SIL1: variants seen among roughly 807,000 people sequenced by gnomAD.
SIL1 encodes nucleotide exchange factor SIL1.
SIL1 carries 40 observed loss-of-function variants against 49.1 expected under a neutral mutation model. The observed-to-expected ratio is 0.81, with a 90% CI of 0.63 to 1.06. The LOEUF (loss-of-function observed/expected upper bound fraction) is 1.06, where lower values mean the gene tolerates loss of function less well. Ranked by LOEUF, SIL1 falls within the 50% of genes least tolerant of loss-of-function variation. The pLI is 0.00. For missense variants in SIL1, 500 were observed against 572.6 expected, an observed-to-expected ratio of 0.87 and a Z score of 1.29; for synonymous variants, 253 against 250.8, an observed-to-expected ratio of 1.01 and a Z score of -0.08.
intron 5 of SIL1, among the ~76,000 whole-genome samples, chr5:139,041,193 C>T (rs139796403): frequency 2.1e-3 from 316 of 152,296 alleles, no homozygotes; most frequent in African/African-American, 7.3e-3. Flanking sequence ...GACACAATTG[C>T]GAGCATTGCC....
At chr5:139,030,634 GA>G (rs930138527) in intron 5 of SIL1, among the ~76,000 whole-genome samples, 168 of 142,750 alleles carry the variant, frequency 1.2e-3, no homozygotes, top group Non-Finnish European at 2.3e-3. Flanking sequence ...AAGCAAGAAA[GA>G]AAAAAAAAAG....
At chr5:139,114,083 A>G (rs1291329084) in intron 3 of SIL1, among the ~76,000 whole-genome samples, 1 of 152,224 alleles carries the variant, frequency 6.6e-6, no homozygotes, top group Non-Finnish European at 1.5e-5. Context: ...ACCCAAATGC[A>G]CAGATTGCAA....
At chr5:139,113,165 G>A (rs1256327149) in intron 3 of SIL1, among the ~76,000 whole-genome samples, 1 of 151,952 alleles carries the variant, frequency 6.6e-6, no homozygotes, top group Non-Finnish European at 1.5e-5. Flanking sequence ...ACTGCGGAAG[G>A]CCGCAGGGTC....
intron 3 of SIL1, among the ~76,000 whole-genome samples, chr5:139,074,158 G>A (rs972641917): frequency 1.3e-5 from 2 of 152,254 alleles, no homozygotes; most frequent in African/African-American, 4.8e-5. Context: ...TTGGACTCAA[G>A]AGATCCTCGC....
At chr5:138,986,018 C>T (rs945711776) in intron 7 of SIL1, among the ~76,000 whole-genome samples, 11 of 152,182 alleles carry the variant, frequency 7.2e-5, no homozygotes, top group African/African-American at 2.7e-4. Context: ...CCACCTACAG[C>T]GCCAGGCCCT....
chr5:139,102,696 G>A (rs1057106953), intron 3 of SIL1, among the ~76,000 whole-genome samples: 22 of 148,362 alleles, frequency 1.5e-4, no homozygotes, highest in South Asian at 2.2e-4. Flanking sequence ...TAAGATCAAG[G>A]GCTGCTTTTT....
chr5:139,150,127 A>G (rs1751268404), intron 1 of SIL1, among the ~76,000 whole-genome samples: 1 of 152,238 alleles, frequency 6.6e-6, no homozygotes, highest in Non-Finnish European at 1.5e-5. Flanking sequence ...GCCAGTAAAC[A>G]GAATTTGATT....
intron 5 of SIL1, among the ~76,000 whole-genome samples, chr5:139,030,435 C>T (rs1768760572): frequency 6.6e-6 from 1 of 151,704 alleles, no homozygotes; most frequent in South Asian, 2.1e-4. Context: ...CAAGATCATA[C>T]CACTGTACTC....
chr5:139,036,613 A>AC (rs1405159573), intron 5 of SIL1, among the ~76,000 whole-genome samples: 3 of 152,272 alleles, frequency 2.0e-5, no homozygotes, highest in African/African-American at 4.8e-5. Context: ...ACCAAATACC[A>AC]CATGTTCTCT....
At chr5:139,166,463 A>G (rs552389583) in intron 1 of SIL1, among the ~76,000 whole-genome samples, 1 of 152,318 alleles carries the variant, frequency 6.6e-6, no homozygotes, top group Admixed American at 6.5e-5. Context: ...CAAGTTCAAG[A>G]TCAGCCTGAG....
At chr5:138,992,726 G>A (rs913759640) in intron 7 of SIL1, among the ~76,000 whole-genome samples, 1 of 151,348 alleles carries the variant, frequency 6.6e-6, no homozygotes, top group Non-Finnish European at 1.5e-5. Context: ...GGAAGGGTGG[G>A]AGGGGGTGAG....
intron 3 of SIL1, among the ~76,000 whole-genome samples, chr5:139,085,335 C>G (rs894011811): frequency 6.6e-6 from 1 of 152,150 alleles, no homozygotes; most frequent in African/African-American, 2.4e-5. Flanking sequence ...GATCTTAACT[C>G]TAAACAGTGG....
chr5:139,116,575 C>T (rs1770993667), intron 3 of SIL1, among the ~76,000 whole-genome samples: 1 of 152,196 alleles, frequency 6.6e-6, no homozygotes, highest in African/African-American at 2.4e-5. Context: ...ACTTCCCCTT[C>T]AGGTCCCCAA....
chr5:139,156,664 G>T (rs192448054), intron 1 of SIL1, among the ~76,000 whole-genome samples: 216 of 152,330 alleles, frequency 1.4e-3, no homozygotes, highest in Middle Eastern at 6.8e-3. Flanking sequence ...GTAGACATTG[G>T]CCTTGAAGAC....
chr5:138,954,726 TG>T (rs1209669534), intron 7 of SIL1, among the ~76,000 whole-genome samples: 1 of 152,192 alleles, frequency 6.6e-6, no homozygotes, highest in Non-Finnish European at 1.5e-5. Context: ...AGCCTGGGGC[TG>T]GGGGAGGCAA....
intron 7 of SIL1, among the ~76,000 whole-genome samples, chr5:138,973,653 C>T (rs1767332439): frequency 6.6e-6 from 1 of 152,080 alleles, no homozygotes; most frequent in African/African-American, 2.4e-5. Context: ...GAGCTGAGGT[C>T]TCACTATGTT....
At chr5:139,190,123 G>A (rs1028585513) in intron 1 of SIL1, among the ~76,000 whole-genome samples, 1 of 152,156 alleles carries the variant, frequency 6.6e-6, no homozygotes, top group South Asian at 2.1e-4. Context: ...ATATCAGAAC[G>A]TAAATACAAG....
At chr5:139,188,982 A>T (rs1335388646) in intron 1 of SIL1, among the ~76,000 whole-genome samples, 2 of 152,256 alleles carry the variant, frequency 1.3e-5, no homozygotes, top group African/African-American at 4.8e-5. Context: ...GTTATTCAGC[A>T]TGAAATACCT....
At chr5:139,076,482 C>A (rs1769951065) in intron 3 of SIL1, among the ~76,000 whole-genome samples, 1 of 152,124 alleles carries the variant, frequency 6.6e-6, no homozygotes, top group African/African-American at 2.4e-5. Context: ...CATGGAAAGC[C>A]ACTAAAACAG....
Sources: allele counts gnomAD v4.1 joint callset (sites outside exome capture counted in the v4.1 genomes callset), GRCh38; gene constraint gnomAD v4.1.1; transcripts MANE v1.5; gene names NCBI Gene and HGNC (gene_info 2026-07-23, HGNC 2026-07-21).